ELSPBP1: variants seen among roughly 807,000 people sequenced by gnomAD.
The protein encoded by ELSPBP1 is epididymal sperm-binding protein 1.
In ELSPBP1, 38 loss-of-function variants were observed where a neutral mutation model predicts 33.3. The ratio of observed to expected loss-of-function variants is 1.14; its 90% CI spans 0.88 to 1.50. The LOEUF (loss-of-function observed/expected upper bound fraction) is 1.50. Ranked by LOEUF, ELSPBP1 falls within the 40% of genes most tolerant of loss-of-function variation. The pLI, the probability that ELSPBP1 is intolerant of heterozygous loss-of-function variation, is 0.00. For synonymous variants in ELSPBP1, 85 were observed against 94.1 expected (o/e 0.90, Z 0.56); for missense variants, 267 against 263.5 (o/e 1.01, Z -0.09).
At chr19:48,012,953 A>C (rs1189475590) in intron 2 of ELSPBP1, among the ~76,000 whole-genome samples, 1 of 152,214 alleles carries the variant, frequency 6.6e-6, no homozygotes, top group Non-Finnish European at 1.5e-5. Flanking sequence ...CTATCGTCCG[A>C]ATAAAGCTTT....
chr19:48,006,354 C>A (rs1967017137), intron 1 of ELSPBP1, among the ~76,000 whole-genome samples: 2 of 152,094 alleles, frequency 1.3e-5, no homozygotes. Context: ...TGGCTCACGC[C>A]TGTAACACTA....
At chr19:48,004,849 T>C (rs1967001870) in intron 1 of ELSPBP1, among the ~76,000 whole-genome samples, 1 of 152,236 alleles carries the variant, frequency 6.6e-6, no homozygotes, top group Admixed American at 6.5e-5. Context: ...TGGCCCCACA[T>C]CTTTTAAATG....
intron 5 of ELSPBP1, among the ~76,000 whole-genome samples, chr19:48,021,528 C>T (rs962834935): frequency 1.3e-5 from 2 of 152,024 alleles, no homozygotes; most frequent in South Asian, 4.1e-4. Context: ...CAACCTCCGC[C>T]TCCTGGGTTC....
chr19:48,015,833 G>A (rs906450502), intron 3 of ELSPBP1, 60 bp from the exon 4 acceptor site: 10 of 1,486,976 alleles, frequency 6.7e-6, no homozygotes, highest in Non-Finnish European at 8.3e-6. Flanking sequence ...ATGATTAAAT[G>A]ACTCTGTCCT....
chr19:47,998,786 CAAA>C (rs34853595), intron 1 of ELSPBP1, among the ~76,000 whole-genome samples: 1,671 of 110,920 alleles, frequency 0.015, 16 homozygotes, highest in African/African-American at 0.039. Context: ...GACTCCGTCT[CAAA>C]AAAAAAAAAA....
intron 4 of ELSPBP1, 143 bp from the exon 5 acceptor site, chr19:48,019,576 A>ACATCCG (rs1967176410): frequency 1.4e-6 from 1 of 696,108 alleles, no homozygotes; most frequent in Admixed American, 3.0e-5. Flanking sequence ...CATTGGGATA[A>ACATCCG]TAACGTCATC....
At chr19:48,023,293 GAAGGAAGGAGAGAAGA>G (rs1399221619) in intron 6 of ELSPBP1, among the ~76,000 whole-genome samples, 12 of 128,126 alleles carry the variant, frequency 9.4e-5, no homozygotes, top group East Asian at 5.5e-4. Flanking sequence ...GGGAGGAAAG[GAAGGAAGGAGAGAAGA>G]AAGGAAGGAG....
rs184183622 is a variant in ELSPBP1 at position 48,012,857 on chromosome 19, C to G, written c.71-1314C>G. On this transcript the variant is annotated intron_variant, in intron 2 of 6. Coordinates refer to ENST00000339841, the MANE Select transcript of ELSPBP1 (RefSeq NM_022142.5). ...ACATCAGTATTATAATATAAAAAAG[C>G]ACTACCACTTTCCATAAATAGGAAG... 2.8e-3 allele frequency among the ~76,000 whole-genome samples: 430 copies of G among 152,226 alleles called. 3 individuals carry two copies. Among genetic ancestry groups the G allele is most frequent in the Middle Eastern group, 6.8e-3 (2 of 294 alleles).
intron 3 of ELSPBP1, among the ~76,000 whole-genome samples, chr19:48,015,350 CT>C (rs1568406925): frequency 6.6e-6 from 1 of 151,976 alleles, no homozygotes; most frequent in African/African-American, 2.4e-5. Flanking sequence ...TTCAACATAA[CT>C]TTTTTTGAAA....
intron 5 of ELSPBP1, among the ~76,000 whole-genome samples, chr19:48,021,043 G>T (rs1341822464): frequency 2.6e-5 from 4 of 152,166 alleles, no homozygotes; most frequent in African/African-American, 9.7e-5. Context: ...AGCTGCTGTG[G>T]ATAGAGGCTT....
chr19:48,014,333 C>G, intron 3 of ELSPBP1, 25 bp downstream of exon 3: 2 of 1,608,838 alleles, frequency 1.2e-6, no homozygotes, highest in Non-Finnish European at 1.7e-6. Context: ...ATTGTCCCTG[C>G]CAGTGGCCTT....
In ELSPBP1 at chr19:47,999,387, CT is replaced by C. The variant is rs397937280; in HGVS notation, c.-18+4595del. Among the ~76,000 whole-genome samples, 38 of 129,966 alleles carry C rather than the reference CT, an allele frequency of 2.9e-4. 1 individual carries two copies. The highest frequency in any genetic ancestry group is 5.6e-4 in the Admixed American group (7 of 12,470). 85.3% of individuals were successfully genotyped at this position (129,966 alleles called of 152,430 possible). A position where few individuals can be genotyped will look rare whatever the true frequency, so the allele number is the denominator to read the frequency against. On this transcript the variant is annotated intron_variant, in intron 1 of 6. Transcript: ENST00000339841. ...CCACCCCATACTGAAAGCCTCATTT[CT>C]TTTTTTTTTTTTTTTTTTGAGAAAG...
chr19:48,005,606 G>T (rs533705370), intron 1 of ELSPBP1, among the ~76,000 whole-genome samples: 2 of 152,190 alleles, frequency 1.3e-5, no homozygotes, highest in Admixed American at 1.3e-4. Context: ...ATGTCTGGGA[G>T]GCAGTTGAAA....
At chr19:48,012,696 G>T (rs764548701) in intron 2 of ELSPBP1, among the ~76,000 whole-genome samples, 79 of 152,176 alleles carry the variant, frequency 5.2e-4, no homozygotes, top group Admixed American at 9.8e-4. Flanking sequence ...TCATTGAGAA[G>T]AATAAGGACG....
At chr19:47,999,295 T>C (rs1277608853) in intron 1 of ELSPBP1, among the ~76,000 whole-genome samples, 1 of 152,170 alleles carries the variant, frequency 6.6e-6, no homozygotes, top group Non-Finnish European at 1.5e-5. Context: ...GTGCACAATT[T>C]AGTGGCGACA....
At chr19:48,016,063 G>A (rs752101863) in intron 4 of ELSPBP1, 24 bp downstream of exon 4, 2 of 1,610,490 alleles carry the variant, frequency 1.2e-6, no homozygotes, top group South Asian at 1.1e-5. Flanking sequence ...GCAGGGATGG[G>A]ATGTGTGGTG....
At chr19:48,020,966 T>C (rs1467622591) in intron 5 of ELSPBP1, among the ~76,000 whole-genome samples, 2 of 152,122 alleles carry the variant, frequency 1.3e-5, no homozygotes, top group East Asian at 3.8e-4. Context: ...TAAAATAAAT[T>C]ATTTCTCAGC....
At chr19:48,008,087 C>T (rs1600104737) in intron 1 of ELSPBP1, among the ~76,000 whole-genome samples, 1 of 152,254 alleles carries the variant, frequency 6.6e-6, no homozygotes, top group African/African-American at 2.4e-5. Context: ...TCACACGAAC[C>T]TAGATGGTAG....
chr19:48,022,428 T>C (rs1967211966), intron 6 of ELSPBP1, 94 bp downstream of exon 6: 1 of 1,154,242 alleles, frequency 8.7e-7, no homozygotes, highest in African/African-American at 1.6e-5. Flanking sequence ...GAGATCTGCT[T>C]TTTCAAGCGT....
Sources: allele counts gnomAD v4.1 joint callset (sites outside exome capture counted in the v4.1 genomes callset), GRCh38; gene constraint gnomAD v4.1.1; transcripts MANE v1.5; gene names NCBI Gene and HGNC (gene_info 2026-07-23, HGNC 2026-07-21).